KBTBD12: variants seen among roughly 807,000 people sequenced by gnomAD.
KBTBD12 encodes the protein kelch repeat and BTB domain containing 12.
Under a neutral mutation model 58.7 loss-of-function variants are expected in KBTBD12, and 53 were observed. The ratio of observed to expected loss-of-function variants is 0.90; its 90% CI spans 0.72 to 1.14. The LOEUF (loss-of-function observed/expected upper bound fraction) is 1.14, where lower values mean the gene tolerates loss of function less well. Among genes scored for constraint, KBTBD12 ranks in the 50% most tolerant of loss-of-function variants. The pLI is 0.00. For missense variants in KBTBD12, 704 were observed against 751.3 expected, an observed-to-expected ratio of 0.94 and a Z score of 0.74; for synonymous variants, 236 against 259.8, an observed-to-expected ratio of 0.91 and a Z score of 0.88.
At chr3:127,961,437 T>C (rs997008859) in intron 4 of KBTBD12, among the ~76,000 whole-genome samples, 8 of 152,176 alleles carry the variant, frequency 5.3e-5, no homozygotes, top group Non-Finnish European at 1.5e-5. Context: ...CCTGAGTTAG[T>C]TTATAGCCTC....
At chr3:127,967,256 G>T (rs1040589782) in intron 5 of KBTBD12, among the ~76,000 whole-genome samples, 4 of 152,338 alleles carry the variant, frequency 2.6e-5, no homozygotes, top group Admixed American at 1.3e-4. Flanking sequence ...AAAGGGCTCT[G>T]TGAGAGATGC....
At position 127,963,262 on chromosome 3, in the gene KBTBD12, A is replaced by G; in HGVS notation, c.1566A>G (p.Pro522=). The change falls in exon 5 of 6, where the codon CCA becomes CCG. Residue 522 remains proline, a synonymous_variant. Coordinates refer to ENST00000405109, the MANE Select transcript of KBTBD12 (RefSeq NM_207335.4). ...KCLDVVEIYN[P]DGDFWREGPP... ...TTGACGTGGTGGAGATCTACAACCC[A>G]GATGGGGACTTTTGGCGAGAGGGCC... 1 of 1,612,804 alleles carries G rather than the reference A, an allele frequency of 6.2e-7. No individual in the cohort carries two copies. Among genetic ancestry groups the G allele is most frequent in the Non-Finnish European group, 8.5e-7 (1 of 1,179,522 alleles).
chr3:127,941,974 A>G (rs73205386), intron 4 of KBTBD12, among the ~76,000 whole-genome samples: 27,753 of 152,166 alleles, frequency 0.18, 3,338 homozygotes, highest in Non-Finnish European at 0.26. Flanking sequence ...ACTTATCACT[A>G]TTATTCAACA....
chr3:127,979,484 G>C (rs1940839269), intron 5 of KBTBD12, among the ~76,000 whole-genome samples: 1 of 152,198 alleles, frequency 6.6e-6, no homozygotes, highest in South Asian at 2.1e-4. Flanking sequence ...AGCAAAAAGA[G>C]ATCCAGAACT....
intron 4 of KBTBD12, among the ~76,000 whole-genome samples, chr3:127,959,071 G>C (rs192024254): frequency 2.4e-4 from 37 of 152,256 alleles, no homozygotes; most frequent in Non-Finnish European, 4.9e-4. Context: ...ATGTTTTCTA[G>C]GGTTTTAGGC....
intron 1 of KBTBD12, among the ~76,000 whole-genome samples, chr3:127,917,168 G>A (rs981218628): frequency 1.9e-4 from 29 of 152,222 alleles, no homozygotes; most frequent in Non-Finnish European, 7.3e-5. Context: ...CACAGGCTGA[G>A]AGCTCAGTCC....
At position 127,933,414 on chromosome 3, in the gene KBTBD12, C is replaced by T. The variant is rs138579261; in HGVS notation, c.1492+3131C>T. ...GAAAATAGGAAAAGCCTACAGTTCT[C>T]CTAGGCTGAGATCTTAGTCCTGGTT... On this transcript the variant is annotated intron_variant, in intron 4 of 5. Transcript: ENST00000405109. Among the ~76,000 whole-genome samples the T allele has an allele frequency of 8.2e-3, 1,252 of 152,232 alleles. 17 individuals are homozygous for T. The highest frequency in any genetic ancestry group is 0.027 in the African/African-American group (1,119 of 41,540).
chr3:127,961,301 A>G (rs1034629903), intron 4 of KBTBD12, among the ~76,000 whole-genome samples: 6 of 152,236 alleles, frequency 3.9e-5, no homozygotes, highest in Non-Finnish European at 8.8e-5. Context: ...GCCCAGGAAC[A>G]GCAGAGCTGT....
At position 127,923,987 on chromosome 3, in the gene KBTBD12, A is replaced by C; in HGVS notation, c.926A>C (p.Tyr309Ser). ...TATGATCCTGTATCACGGAAAACCT[A>C]TTTCATCTCATCTCCCAAGTACGGA... ...FCYDPVSRKT[Y>S]FISSPKYGEG... The change falls in exon 2 of 6, where the codon TAT becomes TCT. Residue 309 changes from tyrosine to serine, a missense_variant. By Grantham distance (144) the Tyr-to-Ser change is moderately radical. Coordinates refer to ENST00000405109, the MANE Select transcript of KBTBD12 (RefSeq NM_207335.4). 1 of 1,613,796 alleles carries C rather than the reference A, an allele frequency of 6.2e-7. No individual in the cohort carries two copies. Among genetic ancestry groups the C allele is most frequent in the South Asian group, 1.1e-5 (1 of 91,080 alleles).
rs1013059287 is a variant in KBTBD12 at position 127,986,820 on chromosome 3, TG to T, written c.*2544del. Reference sequence around the variant, plus strand: ...TCTTAATTTCCCATACCCTGTTGCTTGGCTCCTCCAGTTGGCGGCTGAGAGT... The same window carrying T: ...TCTTAATTTCCCATACCCTGTTGCTTGCTCCTCCAGTTGGCGGCTGAGAGT... On this transcript the variant is annotated 3_prime_UTR_variant, in exon 6 of 6. Coordinates refer to ENST00000405109, the MANE Select transcript of KBTBD12 (RefSeq NM_207335.4). 3 of 152,280 alleles carry T rather than the reference TG, an allele frequency of 2.0e-5. No individual in the cohort carries two copies. The highest frequency in any genetic ancestry group is 7.2e-5 in the African/African-American group (3 of 41,440). The allele number at this position is 152,280 out of a possible 1,614,324, so 9.4% of individuals were successfully genotyped here.
intron 1 of KBTBD12, among the ~76,000 whole-genome samples, chr3:127,921,416 C>G (rs919309174): frequency 6.6e-6 from 1 of 152,014 alleles, no homozygotes; most frequent in Non-Finnish European, 1.5e-5. Context: ...TACATTATTC[C>G]CATTTTACAG....
chr3:127,972,484 A>G (rs2107614822), intron 5 of KBTBD12, among the ~76,000 whole-genome samples: 1 of 152,312 alleles, frequency 6.6e-6, no homozygotes, highest in South Asian at 2.1e-4. Flanking sequence ...CTAGGTAGTA[A>G]GCCCATGTTA....
chr3:127,927,060 A>G (rs1403686257), intron 2 of KBTBD12, among the ~76,000 whole-genome samples: 1 of 152,056 alleles, frequency 6.6e-6, no homozygotes, highest in Non-Finnish European at 1.5e-5. Context: ...AATGTGTTGG[A>G]CTCTAGAAGG....
rs752055180 is a variant in KBTBD12 at position 127,923,370 on chromosome 3, T to C, written c.309T>C (p.Thr103=). 1 of 1,613,698 alleles carries C rather than the reference T, an allele frequency of 6.2e-7. No individual in the cohort carries two copies. Among genetic ancestry groups the C allele is most frequent in the East Asian group, 2.2e-5 (1 of 44,890 alleles). The change falls in exon 2 of 6, where the codon ACT becomes ACC. Residue 103 remains threonine, a synonymous_variant. Transcript: ENST00000405109. ...AGATCAATAATGCCAATGTACAGAC[T>C]GTAGCTATGGCTGCCTATTTTATGC... ...ALEINNANVQ[T]VAMAAYFMQM...
At chr3:127,972,758 A>G (rs1163865850) in intron 5 of KBTBD12, among the ~76,000 whole-genome samples, 1 of 152,246 alleles carries the variant, frequency 6.6e-6, no homozygotes, top group Non-Finnish European at 1.5e-5. Context: ...CCAGCCTGAA[A>G]GGGCAGTCAC....
rs779591754 is a variant in KBTBD12 at position 127,923,303 on chromosome 3, G to A, written c.242G>A (p.Ser81Asn). The change falls in exon 2 of 6, where the codon AGT (serine) becomes AAT (asparagine). Residue 81 changes from serine to asparagine, a missense_variant. By Grantham distance (46) the Ser-to-Asn change is conservative. Coordinates refer to ENST00000405109, the MANE Select transcript of KBTBD12 (RefSeq NM_207335.4). ...EVILYDITAESVSVLLNYMYN... is the reference protein window; with the variant it reads ...EVILYDITAENVSVLLNYMYN... Reference sequence around the variant, plus strand: ...ATACTTTATGACATCACAGCAGAAAGTGTGTCGGTGTTATTAAATTACATG... The same window carrying A: ...ATACTTTATGACATCACAGCAGAAAATGTGTCGGTGTTATTAAATTACATG... 1 of 1,613,846 alleles carries A rather than the reference G, an allele frequency of 6.2e-7. No homozygotes were observed. The highest frequency in any genetic ancestry group is 8.5e-7 in the Non-Finnish European group (1 of 1,179,786).
At chr3:127,939,546 G>A (rs1407212680) in intron 4 of KBTBD12, among the ~76,000 whole-genome samples, 1 of 152,056 alleles carries the variant, frequency 6.6e-6, no homozygotes, top group Non-Finnish European at 1.5e-5. Flanking sequence ...ATAAAATACT[G>A]ATACTAAGTA....
intron 4 of KBTBD12, among the ~76,000 whole-genome samples, chr3:127,953,099 A>G (rs1202209817): frequency 1.3e-5 from 2 of 152,246 alleles, no homozygotes; most frequent in African/African-American, 4.8e-5. Context: ...GCAAAGCTTA[A>G]GAGAGTATTA....
At chr3:127,975,877 C>T (rs1033818474) in intron 5 of KBTBD12, among the ~76,000 whole-genome samples, 3 of 152,076 alleles carry the variant, frequency 2.0e-5, no homozygotes, top group Non-Finnish European at 4.4e-5. Context: ...GACATTACAG[C>T]GACCATGAGG....
Sources: gnomAD v4.1 joint callset for allele counts (sites outside exome capture counted in the v4.1 genomes callset) on GRCh38, gnomAD v4.1.1 for gene constraint, MANE v1.5 for transcripts, NCBI Gene and HGNC (gene_info 2026-07-23, HGNC 2026-07-21) for gene names.